CEP83: variants seen among roughly 807,000 people sequenced by gnomAD.
CEP83 encodes the protein centrosomal protein of 83 kDa.
A neutral mutation model predicts 101.9 loss-of-function variants in CEP83; 70 were observed. The observed-to-expected ratio is 0.69, with a 90% CI of 0.57 to 0.84. The LOEUF is 0.84. Among genes scored for constraint, CEP83 ranks in the 40% least tolerant of loss-of-function variants. The pLI is 0.00. For missense variants in CEP83, 715 were observed against 787.2 expected (o/e 0.91, Z 1.10); for synonymous variants, 264 against 267.9 (o/e 0.99, Z 0.14).
intron 1 of CEP83, among the ~76,000 whole-genome samples, chr12:94,439,300 A>C (rs1041688011): frequency 6.6e-6 from 1 of 152,212 alleles, no homozygotes; most frequent in African/African-American, 2.4e-5. Context: ...TCAAGAGAAG[A>C]GAGTAGATCC....
rs112583969 is a variant in CEP83, at chr12:94,391,769, A to C, written c.549+9081T>G. On this transcript the variant is annotated intron_variant, in intron 6 of 16. Transcript: ENST00000397809. ...CAAAGACGCACATAGGCTCAAAATA[A>C]ACAGAAGGAGGAAGATCTACCAAGC... is the stretch of plus-strand genomic sequence containing the variant. 6.6e-3 allele frequency among the ~76,000 whole-genome samples: 1,011 copies of C among 152,278 alleles called. 17 individuals carry two copies. Among genetic ancestry groups the C allele is most frequent in the African/African-American group, 0.023 (960 of 41,546 alleles).
chr12:94,330,604 A>G (rs2136468874), intron 14 of CEP83, among the ~76,000 whole-genome samples: 1 of 152,348 alleles, frequency 6.6e-6, no homozygotes, highest in South Asian at 2.1e-4. Context: ...AAACCAAGGG[A>G]GTCCCATTTC....
chr12:94,276,794 T>G, the CEP83 span: 2 of 152,286 alleles, frequency 1.3e-5, no homozygotes, highest in Non-Finnish European at 2.9e-5. Context: ...TTGTTTCTTG[T>G]TTGTGAGCAG....
Position 94,340,459 on chromosome 12 carries a change from C to T in CEP83, c.1344-4795G>A, listed in dbSNP as rs2136609986. Among the ~76,000 whole-genome samples the T allele has an allele frequency of 4.1e-5, 6 of 147,678 alleles. 1 individual carries two copies. The highest frequency in any genetic ancestry group is 4.1e-4 in the Admixed American group (6 of 14,770). ...AGATTTTTTTTTTTTTTTTTTAAGA[C>T]AGAGTCTCACTCTGTCACCCAGGCT... On this transcript the variant is annotated intron_variant, in intron 11 of 16. Transcript: ENST00000397809.
the CEP83 span, among the ~76,000 whole-genome samples, chr12:94,278,719 C>G: frequency 6.6e-6 from 1 of 151,998 alleles, no homozygotes; most frequent in Non-Finnish European, 1.5e-5. Flanking sequence ...CTCTTTGGGC[C>G]GGGCACAGTG....
chr12:94,309,976 C>T lies in CEP83; in HGVS notation c.1943G>A (p.Ser648Asn), dbSNP rs1565886471. ...TGGAACCATGGCTGATGACTGAAAG[C>T]TAACAGGATTGATAGATGCTGTTGG... is the stretch of plus-strand genomic sequence containing the variant. ...MPPTASINPVSFQSSAMVPSM... is the reference protein window; with the variant it reads ...MPPTASINPVNFQSSAMVPSM... The change falls in exon 16 of 17, where the codon AGC becomes AAC. Residue 648 changes from serine to asparagine, a missense_variant. Transcript: ENST00000397809. 6.2e-7 allele frequency: 1 copy of T among 1,611,444 alleles called. No individual in the cohort carries two copies. Among genetic ancestry groups the T allele is most frequent in the Non-Finnish European group, 8.5e-7 (1 of 1,178,452 alleles).
At chr12:94,313,104 CTG>C (rs1370754139) in intron 14 of CEP83, 87 bp from the exon 15 acceptor site, 5 of 598,244 alleles carry the variant, frequency 8.4e-6, no homozygotes, top group Admixed American at 3.5e-5. Context: ...TCACCAAAAA[CTG>C]TGTTTAGATA....
intron 11 of CEP83, among the ~76,000 whole-genome samples, chr12:94,357,096 T>C (rs1327138160): frequency 3.9e-5 from 6 of 152,216 alleles, no homozygotes; most frequent in Non-Finnish European, 7.3e-5. Flanking sequence ...AAAAAGATGA[T>C]TGCAGATTTG....
rs991878259 is a variant in CEP83, at chr12:94,370,807, A to T, written c.934-771T>A. Among the ~76,000 whole-genome samples, 3 of 152,064 alleles carry T rather than the reference A, an allele frequency of 2.0e-5. No individual in the cohort carries two copies. The East Asian group carries it at 5.8e-4, about 29-fold the overall frequency. ...TGTTGGAGACCAGCCTGGGCAACAT[A>T]GTGAGATCCTTTCTCTAAAAAAAAA... is the stretch of plus-strand genomic sequence containing the variant. On this transcript the variant is annotated intron_variant, in intron 8 of 16. Coordinates refer to ENST00000397809, the MANE Select transcript of CEP83 (RefSeq NM_016122.3).
rs2061515059 is a variant in CEP83, at chr12:94,376,007, T to G, written c.812A>C (p.Gln271Pro). Residue 271 changes from glutamine to proline, a missense_variant, in exon 8 of 17, where the codon CAA becomes CCA. Physicochemically the swap from Gln to Pro is moderately conservative, Grantham distance 76 (BLOSUM62 -1). Transcript: ENST00000397809. ...ATVRSLEAEK[Q>P]SANLRAERLE... ...ACGTTCTGCCCGTAAATTAGCTGAT[T>G]GTTTTTCAGCCTTTCATACAAACAA... 1 of 1,558,510 alleles carries G rather than the reference T, an allele frequency of 6.4e-7. No homozygotes were observed. Among genetic ancestry groups the G allele is most frequent in the Non-Finnish European group, 8.7e-7 (1 of 1,151,358 alleles).
intron 12 of CEP83, among the ~76,000 whole-genome samples, chr12:94,334,728 C>T (rs1014396646): frequency 6.6e-6 from 1 of 152,110 alleles, no homozygotes; most frequent in Non-Finnish European, 1.5e-5. Context: ...CAGAATAAAA[C>T]TAAACGGTAT....
intron 6 of CEP83, among the ~76,000 whole-genome samples, chr12:94,382,897 G>A (rs1186796989): frequency 6.6e-6 from 1 of 151,982 alleles, no homozygotes; most frequent in African/African-American, 2.4e-5. Context: ...GGTTGATGGT[G>A]TTATTGCGTT....
the CEP83 span, among the ~76,000 whole-genome samples, chr12:94,283,333 G>A: frequency 6.6e-6 from 1 of 152,182 alleles, no homozygotes; most frequent in South Asian, 2.1e-4. Flanking sequence ...GAGCATGCGT[G>A]TTAGACTAGT....
chr12:94,349,123 T>C (rs930688772), intron 11 of CEP83, among the ~76,000 whole-genome samples: 3 of 151,726 alleles, frequency 2.0e-5, no homozygotes, highest in South Asian at 2.1e-4. Flanking sequence ...CCGTCTCTAC[T>C]AAAAATACAA....
chr12:94,388,853 G>A (rs2062331079), intron 6 of CEP83, among the ~76,000 whole-genome samples: 1 of 152,190 alleles, frequency 6.6e-6, no homozygotes, highest in African/African-American at 2.4e-5. Flanking sequence ...GTGGCTGGGT[G>A]CAGTGGCTCA....
chr12:94,417,352 G>C (rs573428010), intron 2 of CEP83, among the ~76,000 whole-genome samples: 1 of 151,848 alleles, frequency 6.6e-6, no homozygotes, highest in Non-Finnish European at 1.5e-5. Flanking sequence ...AAAAAACCTT[G>C]TACTTCCATC....
chr12:94,359,377 A>G (rs986097539), intron 11 of CEP83, among the ~76,000 whole-genome samples: 11 of 152,220 alleles, frequency 7.2e-5, no homozygotes, highest in Non-Finnish European at 5.9e-5. Flanking sequence ...AACAAAATTG[A>G]CAAAACATTA....
chr12:94,337,887 C>T (rs1317873292), intron 11 of CEP83, among the ~76,000 whole-genome samples: 2 of 151,906 alleles, frequency 1.3e-5, no homozygotes, highest in African/African-American at 2.4e-5. Context: ...ATGAAGGTAC[C>T]GGAATTATAA....
chr12:94,379,907 T>C (rs2061745102), intron 6 of CEP83, among the ~76,000 whole-genome samples: 1 of 151,990 alleles, frequency 6.6e-6, no homozygotes, highest in African/African-American at 2.4e-5. Context: ...CTTCTATTTT[T>C]AGTCTCTTTC....
Sources: gnomAD v4.1 joint callset for allele counts (sites outside exome capture counted in the v4.1 genomes callset) on GRCh38, gnomAD v4.1.1 for gene constraint, MANE v1.5 for transcripts, NCBI Gene and HGNC (gene_info 2026-07-23, HGNC 2026-07-21) for gene names.